AMBRA1: variants seen among roughly 807,000 people sequenced by gnomAD.
The protein encoded by AMBRA1 is autophagy and beclin 1 regulator 1, also known as activating molecule in BECN1-regulated autophagy protein 1.
A neutral mutation model predicts 125.4 loss-of-function variants in AMBRA1; 47 were observed. The observed-to-expected ratio is 0.37, with a 90% CI of 0.30 to 0.48. AMBRA1 has a LOEUF of 0.48. Among genes scored for constraint, AMBRA1 ranks in the 20% least tolerant of loss-of-function variants. The pLI is 0.99. For missense variants in AMBRA1, 1,331 were observed against 1,693.4 expected (o/e 0.79, Z 3.76); for synonymous variants, 626 against 655.5 (o/e 0.95, Z 0.69).
chr11:46,408,748 A>G (rs1946144491), intron 16 of AMBRA1, 42 bp from the exon 17 acceptor site: 1 of 1,479,664 alleles, frequency 6.8e-7, no homozygotes, highest in African/African-American at 1.4e-5. Flanking sequence ...GGGGCTTGGG[A>G]CAGCACCCCT....
At chr11:46,544,167 A>T (rs1952886864) in intron 5 of AMBRA1, 126 bp from the exon 6 acceptor site, 2 of 684,406 alleles carry the variant, frequency 2.9e-6, no homozygotes, top group Non-Finnish European at 5.0e-6. Context: ...TATCCACTTC[A>T]TTCAAGACTT....
intron 12 of AMBRA1, among the ~76,000 whole-genome samples, chr11:46,436,035 G>A (rs147456627): frequency 6.6e-6 from 1 of 152,292 alleles, no homozygotes; most frequent in African/African-American, 2.4e-5. Context: ...AAGCTCATCA[G>A]GGCTTTGTCT....
At chr11:46,405,970 A>G (rs1016527105) in intron 17 of AMBRA1, among the ~76,000 whole-genome samples, 1 of 151,720 alleles carries the variant, frequency 6.6e-6, no homozygotes, top group African/African-American at 2.4e-5. Flanking sequence ...AGGACTCAAC[A>G]GATCCTCCTG....
intron 1 of AMBRA1, among the ~76,000 whole-genome samples, chr11:46,562,685 T>C (rs776298396): frequency 4.6e-5 from 7 of 152,152 alleles, no homozygotes. Context: ...GATAAATCAA[T>C]AGTTTAGGAT....
chr11:46,398,389 A>C (rs1426840051), intron 17 of AMBRA1, among the ~76,000 whole-genome samples: 1 of 152,196 alleles, frequency 6.6e-6, no homozygotes, highest in Non-Finnish European at 1.5e-5. Flanking sequence ...TGTGGCCCAA[A>C]GGGAAACAGT....
At chr11:46,555,794 C>A (rs955987956) in intron 1 of AMBRA1, among the ~76,000 whole-genome samples, 6 of 152,230 alleles carry the variant, frequency 3.9e-5, no homozygotes, top group Admixed American at 1.3e-4. Flanking sequence ...ACTAATAATT[C>A]ATACCCCAAA....
At chr11:46,420,493 G>A (rs1946798625) in intron 14 of AMBRA1, among the ~76,000 whole-genome samples, 1 of 152,200 alleles carries the variant, frequency 6.6e-6, no homozygotes, top group Non-Finnish European at 1.5e-5. Flanking sequence ...AAGCAATGAG[G>A]TGTGGCACCT....
chr11:46,524,255 C>A (rs1377740811), intron 7 of AMBRA1, among the ~76,000 whole-genome samples: 1 of 152,130 alleles, frequency 6.6e-6, no homozygotes, highest in Non-Finnish European at 1.5e-5. Flanking sequence ...AGTGGAATGC[C>A]CCCCAGAAAT....
In AMBRA1 at chr11:46,484,175, G is replaced by A. The variant is rs556652318; in HGVS notation, c.2521+9433C>T. Among the ~76,000 whole-genome samples, 29 of 152,334 alleles carry A rather than the reference G, an allele frequency of 1.9e-4. No homozygotes were observed. In the South Asian group the frequency reaches 2.3e-3, roughly 12 times the overall value. ...TCTAATCCTAAAGAAAGTTTGAAAT[G>A]TAAAGAAATATAACAAAGAAAGCTG... is the stretch of plus-strand genomic sequence containing the variant. On this transcript the variant is annotated intron_variant, in intron 11 of 17. Transcript: ENST00000683756.
intron 1 of AMBRA1, among the ~76,000 whole-genome samples, chr11:46,580,590 C>T (rs2044135402): frequency 6.6e-6 from 1 of 152,216 alleles, no homozygotes; most frequent in Non-Finnish European, 1.5e-5. Context: ...TCTTCCCACA[C>T]ATCCAATCCA....
chr11:46,592,793 GT>G (rs1447282586), intron 1 of AMBRA1, among the ~76,000 whole-genome samples: 3 of 151,846 alleles, frequency 2.0e-5, no homozygotes, highest in Admixed American at 2.0e-4. Flanking sequence ...GACTCCTTGG[GT>G]TTCCATTGGA....
At chr11:46,527,844 A>G (rs1031289442) in intron 7 of AMBRA1, among the ~76,000 whole-genome samples, 1 of 152,204 alleles carries the variant, frequency 6.6e-6, no homozygotes. Flanking sequence ...TGGAACCCTC[A>G]TGCACTGTTG....
At chr11:46,548,117 C>T (rs1422665142) in intron 2 of AMBRA1, 129 bp downstream of exon 2, 5 of 1,390,480 alleles carry the variant, frequency 3.6e-6, no homozygotes, top group Non-Finnish European at 4.9e-6. Flanking sequence ...AAACAACTCC[C>T]TAAGTCAGAT....
At chr11:46,474,137 T>C (rs1256355692) in intron 11 of AMBRA1, among the ~76,000 whole-genome samples, 1 of 151,720 alleles carries the variant, frequency 6.6e-6, no homozygotes, top group Non-Finnish European at 1.5e-5. Context: ...GAACTTTTAC[T>C]GGTTCAGGGT....
At chr11:46,564,963 C>T (rs1463655949) in intron 1 of AMBRA1, among the ~76,000 whole-genome samples, 1 of 152,086 alleles carries the variant, frequency 6.6e-6, no homozygotes, top group Non-Finnish European at 1.5e-5. Flanking sequence ...GAGTACTCTA[C>T]AAATAAATCA....
intron 11 of AMBRA1, among the ~76,000 whole-genome samples, chr11:46,449,769 A>G (rs1027065972): frequency 1.3e-5 from 2 of 152,220 alleles, no homozygotes; most frequent in African/African-American, 4.8e-5. Flanking sequence ...CAACTTCAAG[A>G]CTTAATATAG....
chr11:46,461,505 T>C (rs1682137228), intron 11 of AMBRA1, among the ~76,000 whole-genome samples: 1 of 152,332 alleles, frequency 6.6e-6, no homozygotes, highest in South Asian at 2.1e-4. Flanking sequence ...TTTATGTGCT[T>C]TCCCACAATC....
Position 46,531,695 on chromosome 11 carries a change from C to T in AMBRA1, c.2072+10250G>A, listed in dbSNP as rs771215569. Among the ~76,000 whole-genome samples the T allele has an allele frequency of 1.1e-4, 17 of 151,644 alleles. 1 individual carries two copies. The East Asian group carries it at 1.4e-3, about 12-fold the overall frequency. Reference sequence around the variant, plus strand: ...CTGCACTCCAGCCTGGGTGACAGAGCGAGACTCCATCTTAAAAAAAAAAGA... The same window carrying T: ...CTGCACTCCAGCCTGGGTGACAGAGTGAGACTCCATCTTAAAAAAAAAAGA... On this transcript the variant is annotated intron_variant, in intron 7 of 17. Transcript: ENST00000683756.
At chr11:46,546,446 C>T (rs1411300305) in intron 4 of AMBRA1, among the ~76,000 whole-genome samples, 1 of 152,110 alleles carries the variant, frequency 6.6e-6, no homozygotes, top group African/African-American at 2.4e-5. Context: ...CTTTGATGAT[C>T]ATGATCGGAG....
Sources: gnomAD v4.1 joint callset for allele counts (sites outside exome capture counted in the v4.1 genomes callset) on GRCh38, gnomAD v4.1.1 for gene constraint, MANE v1.5 for transcripts, NCBI Gene and HGNC (gene_info 2026-07-23, HGNC 2026-07-21) for gene names.